MAMDC4: variants seen among roughly 807,000 people sequenced by gnomAD.
MAMDC4 encodes apical endosomal glycoprotein.
A neutral mutation model predicts 153.3 loss-of-function variants in MAMDC4; 168 were observed. The ratio of observed to expected loss-of-function variants is 1.10; its 90% CI spans 0.97 to 1.25. The LOEUF is 1.25. MAMDC4 is among the 50% of genes most tolerant of loss of function. The pLI, the probability that MAMDC4 is intolerant of heterozygous loss-of-function variation, is 0.00. For synonymous variants in MAMDC4, 744 were observed against 651.5 expected (o/e 1.14, Z -2.16); for missense variants, 1,701 against 1,542.8 (o/e 1.10, Z -1.72).
Position 136,854,535 on chromosome 9 carries a change from C to T in MAMDC4, c.797-4C>T. ...GGCCCTGACACGCCCACCTCCTGCC[C>T]TAGGCCGCCACATAGCCACCGACTT... On this transcript the variant is annotated splice_region_variant and splice_polypyrimidine_tract_variant and intron_variant, in intron 7 of 26. Coordinates refer to ENST00000317446, the MANE Select transcript of MAMDC4 (RefSeq NM_206920.3). 1 of 1,602,526 alleles carries T rather than the reference C, an allele frequency of 6.2e-7. No homozygotes were observed.
At chr9:136,860,117 C>G (rs1849065241) in intron 26 of MAMDC4, 53 bp downstream of exon 26, 2 of 1,486,578 alleles carry the variant, frequency 1.3e-6, no homozygotes, top group South Asian at 2.7e-5. Context: ...AGCTGTGACG[C>G]TGGAGGGCGG....
chr9:136,855,009 G>GGCGCCCCCCGGGCCCCC lies in MAMDC4; in HGVS notation c.1098_1114dup (p.Val372AlafsTer177). ...GCTGTTCCTGCAGACTCTGGGGCCC[G>GGCGCCCCCCGGGCCCCC]GCGCCCCCCGGGCCCCCGTCCTGCT... On this transcript the variant is annotated frameshift_variant, in exon 10 of 27. Transcript: ENST00000317446. LOFTEE classifies it high-confidence loss of function. 1.9e-6 allele frequency: 3 copies of GGCGCCCCCCGGGCCCCC among 1,600,232 alleles called. No individual in the cohort carries two copies. Among genetic ancestry groups the GGCGCCCCCCGGGCCCCC allele is most frequent in the Non-Finnish European group, 2.6e-6 (3 of 1,175,760 alleles).
At position 136,855,003 on chromosome 9, in the gene MAMDC4, G is replaced by A; in HGVS notation, c.1090G>A (p.Gly364Arg). 1 of 1,602,138 alleles carries A rather than the reference G, an allele frequency of 6.2e-7. No homozygotes were observed. The highest frequency in any genetic ancestry group is 1.1e-5 in the South Asian group (1 of 90,132). The stretch of plus-strand genomic sequence containing the variant: ...CCTCCAGCTGTTCCTGCAGACTCTG[G>A]GGCCCGGCGCCCCCCGGGCCCCCGT... ...GCLQLFLQTL[G>R]PGAPRAPVLL... Residue 364 changes from glycine to arginine, a missense_variant, in exon 10 of 27, where the codon GGG (glycine) becomes AGG (arginine). Gly to Arg is a moderately radical substitution (Grantham distance 125). Transcript: ENST00000317446.
At position 136,853,202 on chromosome 9, in the gene MAMDC4, CCA is replaced by C. The variant is rs754059072; in HGVS notation, c.148_149del (p.Gln50ValfsTer17). 6.2e-6 allele frequency: 10 copies of C among 1,612,760 alleles called. No individual in the cohort carries two copies. The African/African-American group carries it at 1.3e-4, about 21-fold the overall frequency. ...CDCRDCSDEAQCGYHGASPTL... is the reference protein window; with the variant it reads ...CDCRDCSDEAXCGYHGASPTL... ...ACTGCAGGGACTGCTCAGATGAGGCCCAGTGTGGTGAGCCAAGACCAGATGGG... is the reference window on the plus strand; with the variant it reads ...ACTGCAGGGACTGCTCAGATGAGGCCGTGTGGTGAGCCAAGACCAGATGGG... On this transcript the variant is annotated frameshift_variant, in exon 2 of 27. Transcript: ENST00000317446. LOFTEE classifies it high-confidence loss of function.
intron 14 of MAMDC4, chr9:136,856,475 C>G: frequency 1.3e-6 from 1 of 784,832 alleles, no homozygotes; most frequent in Middle Eastern, 2.2e-4. Flanking sequence ...TGGAGTTTGT[C>G]GGTTTGGTGG....
rs748712415 is a variant in MAMDC4 at position 136,858,839 on chromosome 9, T to C, written c.2942T>C (p.Phe981Ser). 13 of 1,609,370 alleles carry C rather than the reference T, an allele frequency of 8.1e-6. No homozygotes were observed. The highest frequency in any genetic ancestry group is 9.3e-6 in the Non-Finnish European group (11 of 1,178,366). The change falls in exon 23 of 27, where the codon TTT becomes TCT. Residue 981 changes from phenylalanine (F) to serine (S), a missense_variant. By Grantham distance (155) the Phe-to-Ser change is radical. Coordinates refer to ENST00000317446, the MANE Select transcript of MAMDC4 (RefSeq NM_206920.3). ...SCLRFWYHMG[F>S]PEHFYKGELK... ...CTCCGCTTCTGGTACCACATGGGTT[T>C]TCCTGAGCACTTCTGTGAGTCCGGC...
At position 136,855,439 on chromosome 9, in the gene MAMDC4, A is replaced by G; in HGVS notation, c.1291A>G (p.Thr431Ala). Residue 431 changes from threonine (T) to alanine (A), a missense_variant, in exon 12 of 27, where the codon ACC (threonine) becomes GCC (alanine). Physicochemically the swap from Thr to Ala is moderately conservative, Grantham distance 58. Transcript: ENST00000317446. ...DHCRPVSEVSTLQPLPPGPRA... is the reference protein window; with the variant it reads ...DHCRPVSEVSALQPLPPGPRA... ...CAGTTCTGCCCCCACAGAGGTGTCC[A>G]CCCTGCAGCCGCTGCCTCCTGGGCC... The G allele has an allele frequency of 6.2e-7, 1 of 1,608,242 alleles. No homozygotes were observed. The highest frequency in any genetic ancestry group is 8.5e-7 in the Non-Finnish European group (1 of 1,178,034).
In MAMDC4 at chr9:136,857,757, T is replaced by C; in HGVS notation, c.2425T>C (p.Cys809Arg). Residue 809 changes from cysteine to arginine, a missense_variant, in exon 19 of 27, where the codon TGT (cysteine) becomes CGT (arginine). Transcript: ENST00000317446. ...GCACAGGCCCCTGGCCCAGCCTGCT[T>C]GTCTGACCTTCTGGTACCACGGGAG... The part of the protein sequence containing the change: ...KEHRPLAQPA[C>R]LTFWYHGSLR... The C allele has an allele frequency of 1.9e-6, 3 of 1,612,646 alleles. No individual in the cohort carries two copies. The highest frequency in any genetic ancestry group is 2.5e-6 in the Non-Finnish European group (3 of 1,179,864).
At chr9:136,856,863 CG>C in intron 15 of MAMDC4, 37 bp downstream of exon 15, 1 of 1,612,350 alleles carries the variant, frequency 6.2e-7, no homozygotes. Flanking sequence ...GGCTTTCAGA[CG>C]AGAGTGGGGC....
chr9:136,857,901 GCTGGGAGC>G, intron 19 of MAMDC4, 70 bp from the exon 20 acceptor site: 1 of 1,484,158 alleles, frequency 6.7e-7, no homozygotes, highest in Admixed American at 2.5e-5. Flanking sequence ...CGCCCGCCAG[GCTGGGAGC>G]CTGGGAGCTC....
intron 12 of MAMDC4, 26 bp from the exon 13 acceptor site, chr9:136,855,705 GC>G (rs778364195): frequency 6.4e-7 from 1 of 1,572,222 alleles, no homozygotes. Context: ...TGAGGACTCT[GC>G]CATTCAGTGC....
chr9:136,853,067 G>T (rs748836958), intron 1 of MAMDC4, 35 bp from the exon 2 acceptor site: 1 of 1,591,238 alleles, frequency 6.3e-7, no homozygotes, highest in East Asian at 2.2e-5. Flanking sequence ...TGGTCACCCT[G>T]CCCCCAGGCC....
Position 136,859,142 on chromosome 9 carries a change from G to A in MAMDC4, c.3084+10G>A, listed in dbSNP as rs371709652. 1,035 of 1,577,234 alleles carry A rather than the reference G, an allele frequency of 6.6e-4. No individual in the cohort carries two copies. The highest frequency in any genetic ancestry group is 8.4e-4 in the Non-Finnish European group (973 of 1,160,428). ...TGCCAAGGAGTTCCAGGTGAGGCTG[G>A]CTGTGGGCAAGGAGCCTCCTCCTCC... On this transcript the variant is annotated intron_variant, in intron 24 of 26. Transcript: ENST00000317446.
At chr9:136,857,824 T>G in intron 19 of MAMDC4, 28 bp downstream of exon 19, 4 of 1,607,346 alleles carry the variant, frequency 2.5e-6, no homozygotes, top group Non-Finnish European at 3.4e-6. Context: ...GGGGCCCCAG[T>G]GGGCTCAGGG....
chr9:136,858,763 C>T lies in MAMDC4; in HGVS notation c.2866C>T (p.Arg956Trp), dbSNP rs764314823. Residue 956 changes from arginine (R) to tryptophan (W), a missense_variant, in exon 23 of 27, where the codon CGG becomes TGG. Physicochemically the swap from Arg to Trp is moderately radical, Grantham distance 101. Coordinates refer to ENST00000317446, the MANE Select transcript of MAMDC4 (RefSeq NM_206920.3). ...AACTGGCGTGCTGGGCCCCGGGGGCCGGGCCGCCTGGCTGCGCAGCGAGCC... is the reference window on the plus strand; with the variant it reads ...AACTGGCGTGCTGGGCCCCGGGGGCTGGGCCGCCTGGCTGCGCAGCGAGCC... ...FETGVLGPGG[R>W]AAWLRSEPLP... The T allele has an allele frequency of 7.0e-5, 113 of 1,610,974 alleles. 1 individual carries two copies. The highest frequency in any genetic ancestry group is 6.8e-4 in the South Asian group (62 of 91,012).
intron 14 of MAMDC4, chr9:136,856,486 A>C: frequency 1.3e-6 from 1 of 784,368 alleles, no homozygotes; most frequent in Non-Finnish European, 2.4e-6. Context: ...GGTTTGGTGG[A>C]CTTGGATGGC....
chr9:136,858,799 A>G lies in MAMDC4; in HGVS notation c.2902A>G (p.Thr968Ala). The G allele has an allele frequency of 6.2e-7, 1 of 1,610,320 alleles. No individual in the cohort carries two copies. The highest frequency in any genetic ancestry group is 8.5e-7 in the Non-Finnish European group (1 of 1,178,754). Residue 968 changes from threonine to alanine, a missense_variant, in exon 23 of 27, where the codon ACC (threonine) becomes GCC (alanine). Physicochemically the swap from Thr to Ala is moderately conservative, Grantham distance 58. Transcript: ENST00000317446. ...GCTGCGCAGCGAGCCTCTGCCGGCC[A>G]CCCCAGCCTCCTGCCTCCGCTTCTG... ...AWLRSEPLPA[T>A]PASCLRFWYH...
intron 2 of MAMDC4, 21 bp from the exon 3 acceptor site, chr9:136,853,264 C>T (rs1480951313): frequency 1.9e-6 from 3 of 1,606,576 alleles, no homozygotes; most frequent in Admixed American, 1.7e-5. Context: ...CTGGCACACA[C>T]CTGACCACCC....
chr9:136,855,627 G>A lies in MAMDC4; in HGVS notation c.1471+8G>A, dbSNP rs1161563025. On this transcript the variant is annotated splice_region_variant and intron_variant, in intron 12 of 26. Transcript: ENST00000317446. ...AGGACGAGCAGGCCTGTGGTAAAGG[G>A]GCTCAACCTCCTGCAGACCTCCTGC... 1 of 1,572,162 alleles carries A rather than the reference G, an allele frequency of 6.4e-7. No homozygotes were observed. Among genetic ancestry groups the A allele is most frequent in the Non-Finnish European group, 8.6e-7 (1 of 1,157,734 alleles).
Sources: allele counts gnomAD v4.1 joint callset, GRCh38; gene constraint gnomAD v4.1.1; transcripts MANE v1.5; gene names NCBI Gene and HGNC (gene_info 2026-07-23, HGNC 2026-07-21).